The following ACAD11 variants were observed in gnomAD, a reference collection of about 807,000 sequenced individuals.
The protein encoded by ACAD11 is acyl-CoA dehydrogenase family member 11.
ACAD11 carries 83 observed loss-of-function variants against 102.2 expected under a neutral mutation model. The observed-to-expected ratio is 0.81, with a 90% confidence interval of 0.68 to 0.97. ACAD11 has a LOEUF of 0.97. ACAD11 is among the 50% of genes least tolerant of loss of function. The pLI, the probability that ACAD11 is intolerant of heterozygous loss-of-function variation, is 0.00. For synonymous variants in ACAD11, 324 were observed against 319.8 expected (o/e 1.01, Z -0.14); for missense variants, 901 against 951.7 (o/e 0.95, Z 0.70).
At chr3:132,658,371 C>A (rs1445400638) in intron 1 of ACAD11, among the ~76,000 whole-genome samples, 1 of 152,172 alleles carries the variant, frequency 6.6e-6, no homozygotes, top group Non-Finnish European at 1.5e-5. Flanking sequence ...AACTAATTTA[C>A]AACTAATTTC....
chr3:132,577,858 T>G (rs967136412), intron 15 of ACAD11, among the ~76,000 whole-genome samples: 2 of 152,298 alleles, frequency 1.3e-5, no homozygotes, highest in Admixed American at 1.3e-4. Flanking sequence ...ATAAACGCAT[T>G]TTTGGTATCT....
At chr3:132,640,938 AAATT>A (rs1940470321) in intron 4 of ACAD11, among the ~76,000 whole-genome samples, 1 of 152,080 alleles carries the variant, frequency 6.6e-6, no homozygotes. Flanking sequence ...CCATCACTCC[AAATT>A]TTATCTTTCC....
At chr3:132,626,944 T>A in intron 8 of ACAD11, 127 bp from the exon 9 acceptor site, 1 of 886,096 alleles carries the variant, frequency 1.1e-6, no homozygotes, top group Non-Finnish European at 1.6e-6. Flanking sequence ...GTAGCTGTAT[T>A]TTATATTTTA....
At chr3:132,627,064 C>T (rs1469181386) in intron 8 of ACAD11, 9 of 314,288 alleles carry the variant, frequency 2.9e-5, no homozygotes, top group Non-Finnish European at 4.7e-5. Context: ...GGCATCACCT[C>T]AAGCAATGTT....
At chr3:132,644,740 G>T in intron 2 of ACAD11, 57 bp downstream of exon 2, 1 of 1,045,400 alleles carries the variant, frequency 9.6e-7, no homozygotes, top group Non-Finnish European at 1.4e-6. Context: ...GGCTTTGTGT[G>T]TATTAAAAGC....
chr3:132,639,956 A>G (rs1940422546), intron 4 of ACAD11, among the ~76,000 whole-genome samples: 2 of 151,928 alleles, frequency 1.3e-5, no homozygotes, highest in South Asian at 4.2e-4. Flanking sequence ...AAGAAAAAAA[A>G]AGAATGCATA....
intron 17 of ACAD11, among the ~76,000 whole-genome samples, chr3:132,569,165 A>T (rs1937306064): frequency 6.6e-6 from 1 of 152,154 alleles, no homozygotes; most frequent in Non-Finnish European, 1.5e-5. Context: ...AAAAAAAGTG[A>T]TCTAGGACAT....
At chr3:132,589,573 A>T (rs1277723195) in intron 13 of ACAD11, among the ~76,000 whole-genome samples, 1 of 152,222 alleles carries the variant, frequency 6.6e-6, no homozygotes, top group Admixed American at 6.5e-5. Flanking sequence ...AGATGCCTAC[A>T]GGCTGAAGGA....
chr3:132,559,712 C>G lies in ACAD11; in HGVS notation c.2228+121G>C, dbSNP rs944283061. ...TGTTGAGCTCTATATTAATGTATAT[C>G]ACTTCATTTAGCCTTCAATTACACT... is the stretch of plus-strand genomic sequence containing the variant. On this transcript the variant is annotated intron_variant, in intron 19 of 19. Transcript: ENST00000264990. 7.1e-6 allele frequency: 5 copies of G among 708,140 alleles called. No individual in the cohort carries two copies. In the African/African-American group the frequency reaches 9.0e-5, roughly 13 times the overall value. The allele number at this position is 708,140 out of a possible 1,614,324, so 43.9% of individuals were successfully genotyped here. A position where few individuals can be genotyped will look rare whatever the true frequency, so the allele number is the denominator to read the frequency against.
chr3:132,615,841 T>G (rs1939385714), intron 11 of ACAD11, among the ~76,000 whole-genome samples: 1 of 152,114 alleles, frequency 6.6e-6, no homozygotes, highest in African/African-American at 2.4e-5. Flanking sequence ...GGCCCCCAAA[T>G]TTTCCAGTAA....
intron 13 of ACAD11, among the ~76,000 whole-genome samples, chr3:132,591,986 T>G (rs1938101762): frequency 6.6e-6 from 1 of 152,092 alleles, no homozygotes; most frequent in Admixed American, 6.5e-5. Flanking sequence ...ACTCAAGAAG[T>G]AAGGCAAATA....
At chr3:132,613,641 G>A (rs998028251) in intron 11 of ACAD11, among the ~76,000 whole-genome samples, 2 of 152,098 alleles carry the variant, frequency 1.3e-5, no homozygotes, top group African/African-American at 2.4e-5. Flanking sequence ...GCTCACGCCT[G>A]TAATCCCAGC....
intron 13 of ACAD11, among the ~76,000 whole-genome samples, chr3:132,588,264 G>A (rs1937931592): frequency 2.0e-5 from 3 of 151,862 alleles, no homozygotes; most frequent in Admixed American, 6.6e-5. Flanking sequence ...GTTATCTGTG[G>A]GAAGGTTCAT....
At chr3:132,588,322 T>C (rs1454818364) in intron 13 of ACAD11, among the ~76,000 whole-genome samples, 3 of 152,218 alleles carry the variant, frequency 2.0e-5, no homozygotes, top group Non-Finnish European at 4.4e-5. Flanking sequence ...CCCAGAGTTC[T>C]TACCTTTAAA....
Position 132,558,892 on chromosome 3 carries a change from A to C in ACAD11, c.*79T>G. On this transcript the variant is annotated 3_prime_UTR_variant, in exon 20 of 20. Transcript: ENST00000264990. ...CCTGTGCTCAAACTGCTACAAAAAT[A>C]TGAGATTCAAATGTTGGAGCCAATG... The C allele has an allele frequency of 9.8e-7, 1 of 1,020,674 alleles. No individual in the cohort carries two copies. The highest frequency in any genetic ancestry group is 1.5e-6 in the Non-Finnish European group (1 of 670,854). The allele number at this position is 1,020,674 out of a possible 1,614,324, so 63.2% of individuals were successfully genotyped here. A position where few individuals can be genotyped will look rare whatever the true frequency, so the allele number is the denominator to read the frequency against.
At chr3:132,623,287 A>C (rs1939674622) in intron 9 of ACAD11, among the ~76,000 whole-genome samples, 1 of 152,202 alleles carries the variant, frequency 6.6e-6, no homozygotes, top group South Asian at 2.1e-4. Context: ...ATTATATGAT[A>C]CAACCTATTT....
chr3:132,588,391 A>T (rs942194049), intron 13 of ACAD11, among the ~76,000 whole-genome samples: 1 of 152,174 alleles, frequency 6.6e-6, no homozygotes, highest in African/African-American at 2.4e-5. Context: ...ACATTCATTA[A>T]TATTTGAATA....
At chr3:132,588,436 GTTTTA>G (rs1435494629) in intron 13 of ACAD11, among the ~76,000 whole-genome samples, 3 of 152,186 alleles carry the variant, frequency 2.0e-5, no homozygotes, top group African/African-American at 7.2e-5. Flanking sequence ...AAATATATGA[GTTTTA>G]TTTATCAGCT....
chr3:132,593,336 G>A (rs1247302034), intron 13 of ACAD11, among the ~76,000 whole-genome samples: 1 of 152,014 alleles, frequency 6.6e-6, no homozygotes, highest in Non-Finnish European at 1.5e-5. Flanking sequence ...ATTGCAAAAA[G>A]AGGAAATAAG....
Sources: gnomAD v4.1 joint callset for allele counts (sites outside exome capture counted in the v4.1 genomes callset) on GRCh38, gnomAD v4.1.1 for gene constraint, MANE v1.5 for transcripts, NCBI Gene and HGNC (gene_info 2026-07-23, HGNC 2026-07-21) for gene names.